GRAP2: variants seen among roughly 807,000 people sequenced by gnomAD.
The protein encoded by GRAP2 is GRB2-related adapter protein 2.
GRAP2 carries 31 observed loss-of-function variants against 43.5 expected under a neutral mutation model. The ratio of observed to expected loss-of-function variants is 0.71; its 90% CI spans 0.54 to 0.96. GRAP2 has a LOEUF of 0.96. Among genes scored for constraint, GRAP2 ranks in the 40% least tolerant of loss-of-function variants. GRAP2 has a pLI of 0.00. For synonymous variants in GRAP2, 156 were observed against 164.8 expected (o/e 0.95, Z 0.41); for missense variants, 371 against 424.4 (o/e 0.87, Z 1.11).
At chr22:39,936,370 A>C (rs528868132) in intron 1 of GRAP2, among the ~76,000 whole-genome samples, 1 of 152,322 alleles carries the variant, frequency 6.6e-6, no homozygotes. Context: ...AAAATGAGGA[A>C]ACATCAAGTG....
chr22:39,945,333 A>G (rs2066910733), intron 1 of GRAP2, among the ~76,000 whole-genome samples: 1 of 152,312 alleles, frequency 6.6e-6, no homozygotes. Flanking sequence ...TCTATAAATT[A>G]CCTTCGAAAG....
chr22:39,924,423 G>A (rs547566770), intron 1 of GRAP2, among the ~76,000 whole-genome samples: 16 of 152,164 alleles, frequency 1.1e-4, no homozygotes, highest in Non-Finnish European at 1.8e-4. Flanking sequence ...ATGCATGGTC[G>A]GGCGCGGTGG....
At position 39,969,515 on chromosome 22, in the gene GRAP2, G is replaced by A; in HGVS notation, c.795G>A (p.Val265=). 6.2e-7 allele frequency: 1 copy of A among 1,614,028 alleles called. No individual in the cohort carries two copies. The change falls in exon 7 of 8, where the codon GTG becomes GTA. Residue 265 remains valine (V), a synonymous_variant. Transcript: ENST00000344138. The stretch of plus-strand genomic sequence containing the variant: ...TGCATCGGAGACACACAGACCCAGT[G>A]CAGCTCCAGGCGGCAGGGGTATGGG... ...ALMHRRHTDP[V]QLQAAGRVRW... is the part of the protein sequence containing the mutation.
intron 4 of GRAP2, among the ~76,000 whole-genome samples, chr22:39,965,512 T>C (rs1310520355): frequency 6.6e-6 from 1 of 152,064 alleles, no homozygotes; most frequent in African/African-American, 2.4e-5. Flanking sequence ...AGAGAAAAAA[T>C]GTGACATATT....
intron 6 of GRAP2, 199 bp downstream of exon 6, chr22:39,968,471 A>ACACACACTGTCT: frequency 1.7e-6 from 1 of 589,726 alleles, no homozygotes. Flanking sequence ...ACACACACAC[A>ACACACACTGTCT]CACACACACT....
At chr22:39,904,323 T>C (rs2066510273) in intron 1 of GRAP2, among the ~76,000 whole-genome samples, 1 of 152,074 alleles carries the variant, frequency 6.6e-6, no homozygotes, top group South Asian at 2.1e-4. Context: ...GGGAGGCAGA[T>C]GTTTCAGCGA....
chr22:39,964,578 T>C (rs2067152586), intron 4 of GRAP2: 2 of 800,656 alleles, frequency 2.5e-6, no homozygotes, highest in Non-Finnish European at 4.5e-6. Flanking sequence ...AAGCTGTTCC[T>C]TGTGCCTAAG....
chr22:39,968,391 CA>C lies in GRAP2; in HGVS notation c.690+122del, dbSNP rs1253271559. The C allele has an allele frequency of 1.2e-5, 13 of 1,116,152 alleles. No homozygotes were observed. In the Admixed American group the frequency reaches 1.9e-4, roughly 16 times the overall value. 69.1% of individuals were successfully genotyped at this position (1,116,152 alleles called of 1,614,324 possible). A position where few individuals can be genotyped will look rare whatever the true frequency, so the allele number is the denominator to read the frequency against. ...TCATGATGAAGACCCTGGACCCCCC[CA>C]AATGGCAGAAATAGGGAAACTGTTC... On this transcript the variant is annotated intron_variant, in intron 6 of 7. Coordinates refer to ENST00000344138, the MANE Select transcript of GRAP2 (RefSeq NM_004810.4).
At chr22:39,936,732 A>C (rs2066810754) in intron 1 of GRAP2, among the ~76,000 whole-genome samples, 1 of 152,176 alleles carries the variant, frequency 6.6e-6, no homozygotes, top group Admixed American at 6.5e-5. Context: ...GGGGACCGGC[A>C]GAAGAAAAGG....
chr22:39,923,666 A>G (rs1055319369), intron 1 of GRAP2, among the ~76,000 whole-genome samples: 12 of 152,222 alleles, frequency 7.9e-5, no homozygotes, highest in African/African-American at 2.9e-4. Context: ...AGAAACAGTC[A>G]TTTCCTTTAC....
chr22:39,932,707 T>C (rs564346599), intron 1 of GRAP2, among the ~76,000 whole-genome samples: 143 of 145,694 alleles, frequency 9.8e-4, no homozygotes, highest in African/African-American at 3.5e-3. Flanking sequence ...CACAGAATGA[T>C]ACCTGTCTCA....
At chr22:39,945,161 T>G (rs562914478) in intron 1 of GRAP2, among the ~76,000 whole-genome samples, 5 of 152,240 alleles carry the variant, frequency 3.3e-5, no homozygotes, top group Non-Finnish European at 7.3e-5. Context: ...CAATTTTAAT[T>G]TGCCTTCGAT....
At chr22:39,967,948 T>C in intron 5 of GRAP2, 94 bp from the exon 6 acceptor site, 1 of 1,474,690 alleles carries the variant, frequency 6.8e-7, no homozygotes, top group South Asian at 1.4e-5. Flanking sequence ...TGGAGCCAGA[T>C]GAGCAGGGTC....
At chr22:39,953,057 C>CA (rs1043765789) in intron 2 of GRAP2, among the ~76,000 whole-genome samples, 14 of 152,130 alleles carry the variant, frequency 9.2e-5, no homozygotes, top group Non-Finnish European at 1.9e-4. Context: ...AGAAATAGGT[C>CA]ATCATCTCCA....
At chr22:39,940,719 C>T (rs562916683) in intron 1 of GRAP2, among the ~76,000 whole-genome samples, 1 of 152,250 alleles carries the variant, frequency 6.6e-6, no homozygotes, top group African/African-American at 2.4e-5. Flanking sequence ...ATGGGAACCA[C>T]CTCTCCAGGC....
intron 1 of GRAP2, among the ~76,000 whole-genome samples, chr22:39,906,621 C>G (rs1370260253): frequency 1.3e-5 from 2 of 152,140 alleles, no homozygotes; most frequent in East Asian, 3.9e-4. Context: ...TTGGTTCTGC[C>G]TTTTTATGTT....
rs368410924 is a variant in GRAP2 at position 39,972,316 on chromosome 22, C to T, written c.*1232C>T. 2 of 152,382 alleles carry T rather than the reference C, an allele frequency of 1.3e-5. No individual in the cohort carries two copies. The highest frequency in any genetic ancestry group is 3.8e-4 in the East Asian group (2 of 5,200). The allele number at this position is 152,382 out of a possible 1,614,324, so 9.4% of individuals were successfully genotyped here. On this transcript the variant is annotated 3_prime_UTR_variant, in exon 8 of 8. Transcript: ENST00000344138. ...GCCTTAGGGGAGGCCGGGTGCAAAC[C>T]CGTTCTGCACCAAGTGCACTCGGAG... is the stretch of plus-strand genomic sequence containing the variant.
At chr22:39,935,044 A>G (rs2066792572) in intron 1 of GRAP2, among the ~76,000 whole-genome samples, 1 of 152,220 alleles carries the variant, frequency 6.6e-6, no homozygotes, top group Non-Finnish European at 1.5e-5. Flanking sequence ...AAAATATTGA[A>G]TAACTGACAG....
At chr22:39,932,338 T>G (rs1300724119) in intron 1 of GRAP2, among the ~76,000 whole-genome samples, 1 of 152,036 alleles carries the variant, frequency 6.6e-6, no homozygotes, top group Non-Finnish European at 1.5e-5. Context: ...CTTGGTGAGG[T>G]GTACATTTTC....
Sources: gnomAD v4.1 joint callset for allele counts (sites outside exome capture counted in the v4.1 genomes callset) on GRCh38, gnomAD v4.1.1 for gene constraint, MANE v1.5 for transcripts, NCBI Gene and HGNC (gene_info 2026-07-23, HGNC 2026-07-21) for gene names.